Variants in DGKB observed in about 807,000 individuals in gnomAD.
DGKB encodes diacylglycerol kinase beta, also known as 90 kDa diacylglycerol kinase.
In DGKB, 67 loss-of-function variants were observed where a neutral mutation model predicts 114.3. The ratio of observed to expected loss-of-function variants is 0.59; its 90% confidence interval spans 0.48 to 0.72. The LOEUF (loss-of-function observed/expected upper bound fraction) is 0.72, where lower values mean the gene tolerates loss of function less well. Among genes scored for constraint, DGKB ranks in the 30% least tolerant of loss-of-function variants. DGKB has a pLI of 0.00. For missense variants in DGKB, 907 were observed against 975.2 expected (o/e 0.93, Z 0.93); for synonymous variants, 398 against 323.1 (o/e 1.23, Z -2.49).
intron 13 of DGKB, among the ~76,000 whole-genome samples, chr7:14,668,149 G>A (rs570335582): frequency 6.6e-6 from 1 of 152,146 alleles, no homozygotes; most frequent in East Asian, 1.9e-4. Context: ...AAGCAGGTTG[G>A]GGTGTACAGA....
At chr7:14,216,619 G>A (rs1387297266) in intron 23 of DGKB, among the ~76,000 whole-genome samples, 12 of 151,358 alleles carry the variant, frequency 7.9e-5, no homozygotes, top group Admixed American at 2.0e-4. Context: ...CCAGCTACCC[G>A]GGAGGCTGAA....
chr7:14,319,140 G>T (rs566977880), intron 23 of DGKB, among the ~76,000 whole-genome samples: 55 of 141,434 alleles, frequency 3.9e-4, no homozygotes, highest in Admixed American at 1.3e-3. Flanking sequence ...ACTGTTGTGG[G>T]GTGAGGGGAG....
upstream of DGKB, among the ~76,000 whole-genome samples, chr7:14,906,509 A>AATG (rs1783716481): frequency 7.2e-6 from 1 of 138,356 alleles, no homozygotes; most frequent in Admixed American, 8.1e-5. Flanking sequence ...GCTGGAGTGC[A>AATG]ATGATGTGAT....
At chr7:14,665,492 C>T (rs1209137158) in intron 13 of DGKB, among the ~76,000 whole-genome samples, 2 of 151,874 alleles carry the variant, frequency 1.3e-5, no homozygotes, top group Admixed American at 1.3e-4. Flanking sequence ...ATATAATAAA[C>T]CTGTACATGG....
chr7:14,801,123 C>T (rs961691620), intron 2 of DGKB, among the ~76,000 whole-genome samples: 2 of 152,008 alleles, frequency 1.3e-5, no homozygotes, highest in African/African-American at 4.8e-5. Context: ...TTTTTATTCC[C>T]TTATCATGTG....
chr7:14,853,893 AT>A (rs1849751574), intron 1 of DGKB, among the ~76,000 whole-genome samples: 2 of 138,026 alleles, frequency 1.4e-5, no homozygotes, highest in African/African-American at 5.8e-5. Context: ...AAAAAAAAAA[AT>A]TTATCATAAA....
At chr7:14,348,711 A>G (rs576305815) in intron 21 of DGKB, among the ~76,000 whole-genome samples, 1 of 152,106 alleles carries the variant, frequency 6.6e-6, no homozygotes, top group Admixed American at 6.6e-5. Context: ...GAGTTTCTAA[A>G]TGAAATATGA....
intron 21 of DGKB, among the ~76,000 whole-genome samples, chr7:14,356,337 C>T (rs551357635): frequency 1.5e-5 from 2 of 132,914 alleles, no homozygotes; most frequent in Non-Finnish European, 3.2e-5. Context: ...TTTGTTTGCT[C>T]TTGCTTCTCT....
At chr7:14,833,416 G>A (rs964874410) in intron 2 of DGKB, among the ~76,000 whole-genome samples, 1 of 151,878 alleles carries the variant, frequency 6.6e-6, no homozygotes, top group Admixed American at 6.6e-5. Flanking sequence ...TTATGTTTAT[G>A]TTTGTGTTTT....
intron 1 of DGKB, among the ~76,000 whole-genome samples, chr7:14,892,888 A>G (rs200707038): frequency 8.7e-5 from 8 of 91,608 alleles, no homozygotes; most frequent in Non-Finnish European, 1.2e-4. Context: ...GTGTGTGTGT[A>G]TACACATATG....
At chr7:14,601,603 T>G (rs1803560488) in intron 17 of DGKB, among the ~76,000 whole-genome samples, 1 of 152,156 alleles carries the variant, frequency 6.6e-6, no homozygotes, top group South Asian at 2.1e-4. Flanking sequence ...TTATTACATC[T>G]TACTATAAGC....
chr7:14,799,258 A>G (rs917326249), intron 2 of DGKB, among the ~76,000 whole-genome samples: 1 of 152,222 alleles, frequency 6.6e-6, no homozygotes, highest in Non-Finnish European at 1.5e-5. Flanking sequence ...AGCTGTTTGC[A>G]TTTAGCTGGC....
chr7:14,781,211 A>G (rs1196563660), intron 2 of DGKB, among the ~76,000 whole-genome samples: 1 of 152,242 alleles, frequency 6.6e-6, no homozygotes, highest in Non-Finnish European at 1.5e-5. Context: ...TTCAAAAATA[A>G]CAAGGGTGGA....
At chr7:14,484,308 C>T (rs150795668) in intron 20 of DGKB, among the ~76,000 whole-genome samples, 39 of 152,138 alleles carry the variant, frequency 2.6e-4, no homozygotes, top group East Asian at 1.2e-3. Context: ...TATTTTAACG[C>T]GACAATATAG....
At chr7:14,435,683 T>C (rs1829137259) in intron 21 of DGKB, among the ~76,000 whole-genome samples, 1 of 152,158 alleles carries the variant, frequency 6.6e-6, no homozygotes, top group Non-Finnish European at 1.5e-5. Context: ...CCACATACTC[T>C]TCTAATTTAT....
intron 2 of DGKB, among the ~76,000 whole-genome samples, chr7:14,831,037 C>T (rs1235240829): frequency 6.6e-6 from 1 of 151,810 alleles, no homozygotes; most frequent in Non-Finnish European, 1.5e-5. Context: ...TTAAACACAG[C>T]AATTACGTGA....
chr7:14,659,430 C>T (rs1816571749), intron 13 of DGKB, among the ~76,000 whole-genome samples: 1 of 151,620 alleles, frequency 6.6e-6, no homozygotes, highest in South Asian at 2.1e-4. Flanking sequence ...TGTAGTTCTC[C>T]TTGAAGAGGT....
chr7:14,905,640 T>C (rs1341102245), upstream of DGKB, among the ~76,000 whole-genome samples: 1 of 152,202 alleles, frequency 6.6e-6, no homozygotes, highest in Non-Finnish European at 1.5e-5. Flanking sequence ...ATCTCCTTCA[T>C]CATCAAAACA....
chr7:14,433,398 C>T (rs1475427259), intron 21 of DGKB, among the ~76,000 whole-genome samples: 9 of 151,986 alleles, frequency 5.9e-5, no homozygotes, highest in Non-Finnish European at 1.2e-4. Context: ...AAATAATAGG[C>T]TTTGGGGGTC....
Sources: gnomAD v4.1 joint callset for allele counts (sites outside exome capture counted in the v4.1 genomes callset) on GRCh38, gnomAD v4.1.1 for gene constraint, MANE v1.5 for transcripts, NCBI Gene and HGNC (gene_info 2026-07-23, HGNC 2026-07-21) for gene names.